Variants in TANGO2 observed in about 807,000 individuals in gnomAD.
TANGO2 encodes transport and golgi organization 2 homolog.
A neutral mutation model predicts 39.1 loss-of-function variants in TANGO2; 26 were observed. That is an observed-to-expected ratio of 0.67 (90% CI 0.49 to 0.92). The LOEUF (loss-of-function observed/expected upper bound fraction) is 0.92, where lower values mean the gene tolerates loss of function less well. Ranked by LOEUF, TANGO2 falls within the 40% of genes least tolerant of loss-of-function variation. The pLI, the probability that TANGO2 is intolerant of heterozygous loss-of-function variation, is 0.00. For synonymous variants in TANGO2, 131 were observed against 144.5 expected, an observed-to-expected ratio of 0.91 and a Z score of 0.67; for missense variants, 326 against 360.1, an observed-to-expected ratio of 0.91 and a Z score of 0.77.
chr22:20,048,714 T>A (rs1367327359), intron 3 of TANGO2, among the ~76,000 whole-genome samples: 2 of 152,082 alleles, frequency 1.3e-5, no homozygotes, highest in East Asian at 3.9e-4. Context: ...TGGTGCGATC[T>A]CAGCTCACTG....
chr22:20,056,022 G>C lies in TANGO2; in HGVS notation c.451+9G>C, dbSNP rs373939911. Reference sequence around the variant, plus strand: ...TATCGTTTTGACGCCAGGTGAGCCTGCCCTGGCAGCCTGATGGGGTGGGGG... The same window carrying C: ...TATCGTTTTGACGCCAGGTGAGCCTCCCCTGGCAGCCTGATGGGGTGGGGG... On this transcript the variant is annotated intron_variant, in intron 6 of 8. Coordinates refer to ENST00000327374, the MANE Select transcript of TANGO2 (RefSeq NM_152906.7). 8 of 1,610,678 alleles carry C rather than the reference G, an allele frequency of 5.0e-6. No individual in the cohort carries two copies. In the African/African-American group the frequency reaches 9.4e-5, roughly 19 times the overall value.
At chr22:20,022,392 C>T (rs2039879950) in intron 1 of TANGO2, among the ~76,000 whole-genome samples, 1 of 152,182 alleles carries the variant, frequency 6.6e-6, no homozygotes, top group Non-Finnish European at 1.5e-5. Flanking sequence ...CCCACAGGAT[C>T]CTAGTGCTCT....
At position 20,023,276 on chromosome 22, in the gene TANGO2, G is replaced by A. The variant is rs558920789; in HGVS notation, c.-40+2030G>A. On this transcript the variant is annotated intron_variant, in intron 1 of 8. Coordinates refer to ENST00000327374, the MANE Select transcript of TANGO2 (RefSeq NM_152906.7). ...GTGCTTGCCTTCATCCTCTTTGCGGGCATGGTAGGAGTGCCCCCCTTTTTT... is the reference window on the plus strand; with the variant it reads ...GTGCTTGCCTTCATCCTCTTTGCGGACATGGTAGGAGTGCCCCCCTTTTTT... Among the ~76,000 whole-genome samples the A allele has an allele frequency of 4.0e-5, 6 of 148,930 alleles. No homozygotes were observed. In the South Asian group the frequency reaches 1.3e-3, roughly 32 times the overall value.
At chr22:20,032,245 A>G (rs2078749) in intron 1 of TANGO2, among the ~76,000 whole-genome samples, 64,003 of 152,190 alleles carry the variant, frequency 0.42, 15,216 homozygotes, top group South Asian at 0.58. Flanking sequence ...CAGTTGACAG[A>G]ATGGAGAGGG....
rs990036185 is a variant in TANGO2, at chr22:20,057,709, G to A, written c.451+1696G>A. ...AGAACCTCCGCATCAGTTGAGGGTC[G>A]TGGGGTTGGAATGTGTGGCGAAGTA... On this transcript the variant is annotated intron_variant, in intron 6 of 8. Coordinates refer to ENST00000327374, the MANE Select transcript of TANGO2 (RefSeq NM_152906.7). This position sits in a 1 kb window ranked among gnomAD's most constrained non-coding sequence, Gnocchi z 4.1. Among the ~76,000 whole-genome samples, 13 of 152,236 alleles carry A rather than the reference G, an allele frequency of 8.5e-5. No homozygotes were observed. The highest frequency in any genetic ancestry group is 4.1e-4 in the South Asian group (2 of 4,834).
At position 20,056,821 on chromosome 22, in the gene TANGO2, C is replaced by T. The variant is rs1451796698; in HGVS notation, c.451+808C>T. 6 of 456,572 alleles carry T rather than the reference C, an allele frequency of 1.3e-5. No homozygotes were observed. In the East Asian group the frequency reaches 4.2e-4, roughly 32 times the overall value. The allele number at this position is 456,572 out of a possible 1,614,324, so 28.3% of individuals were successfully genotyped here. Reference sequence around the variant, plus strand: ...CCGGGGACTGCTGGCTCACTCACTCCCACACTCGCTGCCCACAGACACTCC... The same window carrying T: ...CCGGGGACTGCTGGCTCACTCACTCTCACACTCGCTGCCCACAGACACTCC... On this transcript the variant is annotated intron_variant, in intron 6 of 8. Coordinates refer to ENST00000327374, the MANE Select transcript of TANGO2 (RefSeq NM_152906.7).
At chr22:20,042,947 G>A (rs1011041689) in intron 2 of TANGO2, among the ~76,000 whole-genome samples, 2 of 152,060 alleles carry the variant, frequency 1.3e-5, no homozygotes, top group East Asian at 1.9e-4. Flanking sequence ...TTGAGCTCAC[G>A]CTTCCAAGAG....
At chr22:20,049,545 A>T (rs935591019) in intron 3 of TANGO2, among the ~76,000 whole-genome samples, 1 of 152,016 alleles carries the variant, frequency 6.6e-6, no homozygotes, top group African/African-American at 2.4e-5. Context: ...CTGTAATCCC[A>T]GCTACTCGGG....
chr22:20,021,325 T>C (rs1312882205), intron 1 of TANGO2, 79 bp downstream of exon 1: 1 of 152,202 alleles, frequency 6.6e-6, no homozygotes, highest in Non-Finnish European at 1.5e-5. Context: ...GGCGGCTGGG[T>C]CAGGGGCAAC....
chr22:20,029,214 G>T lies in TANGO2; in HGVS notation c.-39-7546G>T, dbSNP rs566617804. ...GGCCTTAGGACAGAAGGCCCTGTTG[G>T]TTTCTCTGAGAAGCCAGGGGAGGAG... On this transcript the variant is annotated intron_variant, in intron 1 of 8. Transcript: ENST00000327374. Among the ~76,000 whole-genome samples, 13 of 152,318 alleles carry T rather than the reference G, an allele frequency of 8.5e-5. No individual in the cohort carries two copies. In the East Asian group the frequency reaches 2.5e-3, roughly 29 times the overall value.
At chr22:20,043,591 AGCCCC>A in intron 3 of TANGO2, 148 bp downstream of exon 3, 1 of 600,760 alleles carries the variant, frequency 1.7e-6, no homozygotes, top group African/African-American at 1.8e-5. Context: ...GGTCGGGGCC[AGCCCC>A]AGCACCGGGC....
At chr22:20,026,535 G>A (rs1171183271) in intron 1 of TANGO2, among the ~76,000 whole-genome samples, 7 of 152,246 alleles carry the variant, frequency 4.6e-5, no homozygotes, top group African/African-American at 1.7e-4. Flanking sequence ...AAAATCCCAT[G>A]TAATATAAGG....
At chr22:20,034,932 A>G (rs918954657) in intron 1 of TANGO2, among the ~76,000 whole-genome samples, 1 of 152,228 alleles carries the variant, frequency 6.6e-6, no homozygotes, top group African/African-American at 2.4e-5. Context: ...AGATGTTTTC[A>G]TATTTCATCC....
chr22:20,039,957 A>G (rs2147157238), intron 2 of TANGO2, among the ~76,000 whole-genome samples: 1 of 151,776 alleles, frequency 6.6e-6, no homozygotes, highest in African/African-American at 2.4e-5. Context: ...GGTTTCAGTT[A>G]TTGGAACAAA....
chr22:20,035,675 AGT>A (rs2147051423), intron 1 of TANGO2, among the ~76,000 whole-genome samples: 1 of 151,982 alleles, frequency 6.6e-6, no homozygotes, highest in East Asian at 1.9e-4. Flanking sequence ...TGGGATGGCG[AGT>A]GTGTGTGCTG....
At chr22:20,032,253 G>T (rs1011596773) in intron 1 of TANGO2, among the ~76,000 whole-genome samples, 2 of 152,282 alleles carry the variant, frequency 1.3e-5, no homozygotes, top group Non-Finnish European at 2.9e-5. Flanking sequence ...AGAATGGAGA[G>T]GGGTAAGCAT....
At chr22:20,041,196 G>C (rs1346260415) in intron 2 of TANGO2, among the ~76,000 whole-genome samples, 5 of 152,234 alleles carry the variant, frequency 3.3e-5, no homozygotes, top group African/African-American at 4.8e-5. Context: ...GCCCAGGCTA[G>C]AGTGCAGTGG....
At chr22:20,060,292 T>C (rs111276581) in intron 6 of TANGO2, among the ~76,000 whole-genome samples, 4,941 of 138,956 alleles carry the variant, frequency 0.036, 267 homozygotes, top group African/African-American at 0.12. Flanking sequence ...GAGCTTGCAG[T>C]GAGCCGAGAT....
In TANGO2 at chr22:20,044,348, C is replaced by T. The variant is rs1371016632; in HGVS notation, c.145+905C>T. Among the ~76,000 whole-genome samples, 4 of 152,086 alleles carry T rather than the reference C, an allele frequency of 2.6e-5. No homozygotes were observed. In the East Asian group the frequency reaches 7.7e-4, roughly 29 times the overall value. ...GACCAGTCTGGGCAACATGGTAAAACCCTGTCTCTACAAAAAAAAATACAA... is the reference window on the plus strand; with the variant it reads ...GACCAGTCTGGGCAACATGGTAAAATCCTGTCTCTACAAAAAAAAATACAA... On this transcript the variant is annotated intron_variant, in intron 3 of 8. Transcript: ENST00000327374.
Sources: gnomAD v4.1 joint callset for allele counts (sites outside exome capture counted in the v4.1 genomes callset) on GRCh38, gnomAD v4.1.1 for gene constraint, Gnocchi (gnomAD v3.1) non-coding constraint, MANE v1.5 for transcripts, NCBI Gene and HGNC (gene_info 2026-07-23, HGNC 2026-07-21) for gene names.